Variants in FAM156A observed in about 807,000 individuals in gnomAD.
FAM156A encodes the protein protein FAM156A/FAM156B.
chrX:52,974,543 G>A (rs1270294243), intron 1 of FAM156A, among the ~76,000 whole-genome samples: 1 of 111,425 alleles, frequency 9.0e-6, no homozygotes, highest in African/African-American at 3.3e-5. Flanking sequence ...CCCTGATCAT[G>A]GCTCACTGCA....
intron 1 of FAM156A, among the ~76,000 whole-genome samples, chrX:52,986,188 A>G (rs782681846): frequency 9.2e-6 from 1 of 109,251 alleles, no homozygotes; most frequent in South Asian, 4.0e-4. Flanking sequence ...TCCCTGAGGA[A>G]TCGCCACACT....
intron 1 of FAM156A, among the ~76,000 whole-genome samples, chrX:52,982,497 T>C (rs1929984133): frequency 9.0e-6 from 1 of 111,615 alleles, no homozygotes; most frequent in Non-Finnish European, 1.9e-5. Flanking sequence ...AGTCAATTAA[T>C]GTAAGTAACG....
chrX:52,990,797 G>GAAAGAAAAGA (rs782744600), intron 1 of FAM156A, among the ~76,000 whole-genome samples: 12,435 of 69,391 alleles, frequency 0.18, 1,396 homozygotes, highest in South Asian at 0.25. Context: ...GAAAAGAAAA[G>GAAAGAAAAGA]AAAGAAAAGA....
At chrX:52,984,061 G>A (rs1196164189) in intron 1 of FAM156A, among the ~76,000 whole-genome samples, 1 of 111,362 alleles carries the variant, frequency 9.0e-6, no homozygotes, top group Non-Finnish European at 1.9e-5. Context: ...CTGGGAGGAC[G>A]CACAGGACTC....
intron 1 of FAM156A, among the ~76,000 whole-genome samples, chrX:52,988,303 T>C (rs2146624936): frequency 9.1e-6 from 1 of 109,932 alleles, no homozygotes; most frequent in African/African-American, 3.3e-5. Flanking sequence ...GAGACTATGC[T>C]GAGTGAAGAA....
At chrX:52,990,360 A>T (rs958552301) in intron 1 of FAM156A, among the ~76,000 whole-genome samples, 2 of 111,553 alleles carry the variant, frequency 1.8e-5, no homozygotes, top group Non-Finnish European at 3.8e-5. Context: ...CAGGAAGCTC[A>T]GGTTTGGACT....
chrX:52,990,512 G>A (rs933305232), intron 1 of FAM156A, among the ~76,000 whole-genome samples: 8 of 111,464 alleles, frequency 7.2e-5, no homozygotes, highest in Non-Finnish European at 1.3e-4. Context: ...GGCCAGGTAC[G>A]GTGGCTCATG....
chrX:52,975,847 G>A (rs1190167402), intron 1 of FAM156A, among the ~76,000 whole-genome samples: 1 of 112,004 alleles, frequency 8.9e-6, no homozygotes, highest in African/African-American at 3.2e-5. Context: ...CTAAGGAGAC[G>A]TCATAAAGAT....
chrX:52,980,709 G>A (rs1373718067), intron 1 of FAM156A, among the ~76,000 whole-genome samples: 9 of 110,971 alleles, frequency 8.1e-5, no homozygotes, highest in Admixed American at 7.7e-4. Flanking sequence ...GCAACAGAGT[G>A]AGACCAAAGT....
At chrX:52,986,164 TTTCTAG>T (rs1252064279) in intron 1 of FAM156A, among the ~76,000 whole-genome samples, 1 of 109,373 alleles carries the variant, frequency 9.1e-6, no homozygotes, top group African/African-American at 3.3e-5. Context: ...TCAAATGGTA[TTTCTAG>T]TTCTAGATCC....
Position 52,995,237 on chromosome X carries a change from G to C in FAM156A, c.-434+69C>G, listed in dbSNP as rs192738035. ...ATTGAGTGTAGCGGGAGGAACGATG[G>C]TGCCGTGCCAAAAGCGCCAGACTAG... On this transcript the variant is annotated intron_variant, in intron 1 of 4. Transcript: ENST00000610625. 4.5e-5 allele frequency: 5 copies of C among 112,352 alleles called. No individual in the cohort carries two copies. In the Admixed American group the frequency reaches 4.7e-4, roughly 11 times the overall value. The allele number at this position is 112,352 out of a possible 1,213,427, so 9.3% of individuals were successfully genotyped here.
chrX:52,976,458 T>G (rs1929480013), intron 1 of FAM156A, among the ~76,000 whole-genome samples: 2 of 111,027 alleles, frequency 1.8e-5, no homozygotes, highest in Admixed American at 9.6e-5. Context: ...AAAAAAATTA[T>G]TAGAGAAACA....
chrX:52,992,080 CAT>C (rs782434291), intron 1 of FAM156A, among the ~76,000 whole-genome samples: 37 of 105,779 alleles, frequency 3.5e-4, no homozygotes, highest in African/African-American at 1.1e-3. Context: ...GGGCAGTACA[CAT>C]GTTTTCCCCA....
intron 1 of FAM156A, among the ~76,000 whole-genome samples, chrX:52,985,074 C>T (rs1930178767): frequency 9.0e-6 from 1 of 111,034 alleles, no homozygotes; most frequent in South Asian, 3.7e-4. Context: ...ACAGAACCAT[C>T]TACATAACAA....
At chrX:52,984,060 C>T (rs1930095058) in intron 1 of FAM156A, among the ~76,000 whole-genome samples, 1 of 111,103 alleles carries the variant, frequency 9.0e-6, no homozygotes, top group Non-Finnish European at 1.9e-5. Flanking sequence ...GCTGGGAGGA[C>T]GCACAGGACT....
At chrX:52,978,659 T>C (rs1929653180) in intron 1 of FAM156A, among the ~76,000 whole-genome samples, 1 of 112,793 alleles carries the variant, frequency 8.9e-6, no homozygotes, top group Admixed American at 9.4e-5. Context: ...GCAATAGATA[T>C]TTGATTTCTT....
chrX:52,991,209 G>T (rs1930743382), intron 1 of FAM156A, among the ~76,000 whole-genome samples: 1 of 111,425 alleles, frequency 9.0e-6, no homozygotes, highest in Non-Finnish European at 1.9e-5. Context: ...TCTGCAAGCT[G>T]GAGAGCCAGG....
In FAM156A at chrX:52,990,317, C is replaced by T. The variant is rs375705192; in HGVS notation, c.-434+4989G>A. Reference sequence around the variant, plus strand: ...GGACCACAGGCTTCAGTCAGGCTTCCCTGACTGAAAGGAAAAGGTCACTTT... The same window carrying T: ...GGACCACAGGCTTCAGTCAGGCTTCTCTGACTGAAAGGAAAAGGTCACTTT... On this transcript the variant is annotated intron_variant, in intron 1 of 4. Transcript: ENST00000610625. 8.1e-5 allele frequency among the ~76,000 whole-genome samples: 9 copies of T among 111,671 alleles called. No individual in the cohort carries two copies. The East Asian group carries it at 2.0e-3, about 25-fold the overall frequency.
At chrX:52,994,235 C>T (rs1602068101) in intron 1 of FAM156A, among the ~76,000 whole-genome samples, 1 of 109,935 alleles carries the variant, frequency 9.1e-6, no homozygotes, top group African/African-American at 3.3e-5. Context: ...CAACTTGACA[C>T]AGACCCCCAA....
Sources: allele counts gnomAD v4.1 joint callset (sites outside exome capture counted in the v4.1 genomes callset), GRCh38; gene constraint gnomAD v4.1.1; transcripts MANE v1.5; gene names NCBI Gene and HGNC (gene_info 2026-07-23, HGNC 2026-07-21).